Variants in RGS7BP observed in about 807,000 individuals in gnomAD.
The protein encoded by RGS7BP is regulator of G protein signaling 7-binding protein.
In RGS7BP, 9 loss-of-function variants were observed where a neutral mutation model predicts 31.3. The observed-to-expected ratio is 0.29, with a 90% confidence interval of 0.17 to 0.50. RGS7BP has a LOEUF of 0.50. RGS7BP is among the 20% of genes least tolerant of loss of function. RGS7BP has a pLI of 0.98. For missense variants in RGS7BP, 274 were observed against 322.0 expected (o/e 0.85, Z 1.14); for synonymous variants, 115 against 120.1 (o/e 0.96, Z 0.28).
chr5:64,524,815 T>G (rs1387636701), intron 2 of RGS7BP, among the ~76,000 whole-genome samples: 2 of 152,232 alleles, frequency 1.3e-5, no homozygotes, highest in East Asian at 1.9e-4. Flanking sequence ...CCATGCCCAC[T>G]GCCCACGAGG....
intron 2 of RGS7BP, among the ~76,000 whole-genome samples, chr5:64,521,836 A>C (rs1749115318): frequency 6.6e-6 from 1 of 152,228 alleles, no homozygotes; most frequent in Non-Finnish European, 1.5e-5. Flanking sequence ...TTTTTCTAAT[A>C]AATGATTCTA....
chr5:64,507,881 G>A lies in RGS7BP; in HGVS notation c.332+4G>A, dbSNP rs1211793688. On this transcript the variant is annotated splice_donor_region_variant and intron_variant, in intron 2 of 5. Transcript: ENST00000334025. ...AAAAATTGGCTGCCATCTCAGGGTA[G>A]GAGACTCGGCATTATTTGGTAATCC... The A allele has an allele frequency of 1.2e-6, 2 of 1,609,840 alleles. No homozygotes were observed.
At chr5:64,538,809 G>C (rs750813942) in intron 2 of RGS7BP, among the ~76,000 whole-genome samples, 8 of 151,860 alleles carry the variant, frequency 5.3e-5, no homozygotes, top group Admixed American at 1.3e-4. Flanking sequence ...ACCCACCTTT[G>C]TTGGCCTCCC....
intron 3 of RGS7BP, among the ~76,000 whole-genome samples, chr5:64,587,149 G>A (rs1742779618): frequency 6.6e-6 from 1 of 152,090 alleles, no homozygotes; most frequent in South Asian, 2.1e-4. Flanking sequence ...GTCTGGAAGA[G>A]GTGTACATCA....
rs749321799 is a variant in RGS7BP at position 64,609,201 on chromosome 5, G to A, written c.723G>A (p.Val241=). The change falls in exon 6 of 6, where the codon GTG becomes GTA. Residue 241 remains valine, a synonymous_variant. Coordinates refer to ENST00000334025, the MANE Select transcript of RGS7BP (RefSeq NM_001029875.3). ...SLLNLTPYPL[V]RRRKRRFFGL... ...TGAATCTAACTCCCTACCCCCTGGT[G>A]AGAAGACGGAAGAGAAGGTTCTTTG... 1.9e-6 allele frequency: 3 copies of A among 1,611,780 alleles called. No individual in the cohort carries two copies.
intron 2 of RGS7BP, among the ~76,000 whole-genome samples, chr5:64,516,605 A>C (rs2111888002): frequency 6.6e-6 from 1 of 152,304 alleles, no homozygotes. Flanking sequence ...TGTTTCTTCA[A>C]ATTTGAAACT....
chr5:64,554,805 G>A (rs1220241773), intron 2 of RGS7BP, among the ~76,000 whole-genome samples: 2 of 151,994 alleles, frequency 1.3e-5, no homozygotes, highest in African/African-American at 4.8e-5. Context: ...AGACACAAGA[G>A]AAGAGTTGAA....
intron 2 of RGS7BP, among the ~76,000 whole-genome samples, chr5:64,565,475 G>A (rs1417649262): frequency 6.6e-6 from 1 of 151,820 alleles, no homozygotes; most frequent in Non-Finnish European, 1.5e-5. Context: ...CTGCATAAAA[G>A]TTCTGTTTAT....
intron 2 of RGS7BP, among the ~76,000 whole-genome samples, chr5:64,535,994 TTACTC>T (rs1472499409): frequency 3.9e-5 from 6 of 152,142 alleles, no homozygotes; most frequent in African/African-American, 1.2e-4. Flanking sequence ...TGGAAATAAA[TTACTC>T]TACAGGTGCC....
At chr5:64,538,541 C>CTTTTG (rs761503099) in intron 2 of RGS7BP, among the ~76,000 whole-genome samples, 1 of 37,656 alleles carries the variant, frequency 2.7e-5, no homozygotes, top group East Asian at 7.8e-4. Context: ...TTTTTTTTTC[C>CTTTTG]TTTTCTTTTT....
intron 2 of RGS7BP, among the ~76,000 whole-genome samples, chr5:64,531,246 T>A (rs1358660775): frequency 6.6e-6 from 1 of 152,198 alleles, no homozygotes; most frequent in Non-Finnish European, 1.5e-5. Context: ...CAGAACAGTG[T>A]TTCAAAACTA....
At chr5:64,568,671 T>C (rs1342114811) in intron 2 of RGS7BP, among the ~76,000 whole-genome samples, 2 of 152,072 alleles carry the variant, frequency 1.3e-5, no homozygotes, top group Non-Finnish European at 2.9e-5. Flanking sequence ...TCCCCAGTAT[T>C]GCATTAAACA....
At chr5:64,508,156 A>C (rs964323317) in intron 2 of RGS7BP, among the ~76,000 whole-genome samples, 1 of 152,234 alleles carries the variant, frequency 6.6e-6, no homozygotes. Flanking sequence ...AATTTGGAGC[A>C]TAAGATTTGG....
chr5:64,565,355 G>A (rs1180321295), intron 2 of RGS7BP, among the ~76,000 whole-genome samples: 1 of 151,994 alleles, frequency 6.6e-6, no homozygotes, highest in Admixed American at 6.6e-5. Context: ...ATATATATTT[G>A]CCTGTGTATA....
At chr5:64,507,612 C>A in intron 1 of RGS7BP, 99 bp from the exon 2 acceptor site, 2 of 1,107,946 alleles carry the variant, frequency 1.8e-6, no homozygotes, top group Non-Finnish European at 1.3e-6. Flanking sequence ...GGGGAGCTGA[C>A]TCAGGGGTCA....
At position 64,506,704 on chromosome 5, in the gene RGS7BP, C is replaced by A; in HGVS notation, c.80C>A (p.Pro27Gln). The A allele has an allele frequency of 1.9e-6, 3 of 1,613,428 alleles. No individual in the cohort carries two copies. The highest frequency in any genetic ancestry group is 2.5e-6 in the Non-Finnish European group (3 of 1,179,464). ...RSSIFQISKP[P>Q]LQSGDWERRG... ...TCGATCTTCCAGATCAGCAAGCCCC[C>A]GCTGCAGAGCGGAGATTGGGAGCGC... Residue 27 changes from proline to glutamine, a missense_variant, in exon 1 of 6, where the codon CCG becomes CAG. Around this residue, in one of 3 missense-constraint regions of RGS7BP, gnomAD observed 149 missense variants for 152.6 expected, o/e 0.98. Coordinates refer to ENST00000334025, the MANE Select transcript of RGS7BP (RefSeq NM_001029875.3). This position sits in a 1 kb window ranked among gnomAD's most constrained non-coding sequence, Gnocchi z 4.6.
chr5:64,591,383 G>A (rs1004697682), intron 3 of RGS7BP, among the ~76,000 whole-genome samples: 2 of 151,946 alleles, frequency 1.3e-5, no homozygotes, highest in African/African-American at 2.4e-5. Context: ...GTTTAACCTC[G>A]GTAGTAATAA....
intron 2 of RGS7BP, among the ~76,000 whole-genome samples, chr5:64,528,785 TG>T (rs1441436368): frequency 4.3e-5 from 5 of 117,398 alleles, no homozygotes; most frequent in African/African-American, 1.4e-4. Context: ...CACTCCAGCC[TG>T]GGCGACAGAG....
intron 2 of RGS7BP, among the ~76,000 whole-genome samples, chr5:64,524,871 C>G (rs527829816): frequency 6.6e-6 from 1 of 151,984 alleles, no homozygotes; most frequent in Non-Finnish European, 1.5e-5. Context: ...AATCCAGGCA[C>G]GGGGCTTGTC....
Sources: gnomAD v4.1 joint callset for allele counts (sites outside exome capture counted in the v4.1 genomes callset) on GRCh38, gnomAD v4.1.1 for gene constraint, gnomAD v4.1.1 regional missense constraint, Gnocchi (gnomAD v3.1) non-coding constraint, MANE v1.5 for transcripts, NCBI Gene and HGNC (gene_info 2026-07-23, HGNC 2026-07-21) for gene names.